Variants in SRD5A2 observed in about 807,000 individuals in gnomAD.
The protein encoded by SRD5A2 is steroid 5 alpha-reductase 2.
Under a neutral mutation model 27.4 loss-of-function variants are expected in SRD5A2, and 30 were observed. That is an observed-to-expected ratio of 1.10 (90% confidence interval 0.82 to 1.49). SRD5A2 has a LOEUF of 1.49. Among genes scored for constraint, SRD5A2 ranks in the 40% most tolerant of loss-of-function variants. The pLI is 0.00. For missense variants in SRD5A2, 348 were observed against 323.4 expected (o/e 1.08, Z -0.58); for synonymous variants, 141 against 133.6 (o/e 1.06, Z -0.38).
At chr2:31,586,141 A>G in the SRD5A2 span, among the ~76,000 whole-genome samples, 7 of 152,166 alleles carry the variant, frequency 4.6e-5, no homozygotes, top group Non-Finnish European at 2.9e-5. Flanking sequence ...TTTGGTGCCC[A>G]TCACCCAAGC....
chr2:31,659,528 T>A, the SRD5A2 span, among the ~76,000 whole-genome samples: 1 of 152,270 alleles, frequency 6.6e-6, no homozygotes, highest in African/African-American at 2.4e-5. Flanking sequence ...AGCATTTCTA[T>A]ACACCAACAA....
the SRD5A2 span, among the ~76,000 whole-genome samples, chr2:31,591,232 A>G: frequency 1.3e-5 from 2 of 152,268 alleles, no homozygotes; most frequent in African/African-American, 2.4e-5. Flanking sequence ...ACTCCAACAA[A>G]TTTACAAGAG....
chr2:31,593,641 A>G, the SRD5A2 span, among the ~76,000 whole-genome samples: 1 of 152,368 alleles, frequency 6.6e-6, no homozygotes, highest in Admixed American at 6.5e-5. Context: ...GCAATTGAGG[A>G]AAACTTCCCT....
chr2:31,639,369 T>C, the SRD5A2 span, among the ~76,000 whole-genome samples: 1 of 152,136 alleles, frequency 6.6e-6, no homozygotes, highest in Non-Finnish European at 1.5e-5. Context: ...TTATGAGGAA[T>C]TGCATACCAC....
At chr2:31,601,218 A>G in the SRD5A2 span, among the ~76,000 whole-genome samples, 1 of 151,948 alleles carries the variant, frequency 6.6e-6, no homozygotes, top group African/African-American at 2.4e-5. Context: ...AAGGAACACA[A>G]TCAAAAAATG....
the SRD5A2 span, among the ~76,000 whole-genome samples, chr2:31,621,987 A>C: frequency 5.6e-4 from 85 of 151,150 alleles, no homozygotes; most frequent in African/African-American, 2.0e-3. Flanking sequence ...TTAAGTCAGG[A>C]GTACATGTAC....
At chr2:31,552,698 C>CT (rs1434112848) in intron 1 of SRD5A2, among the ~76,000 whole-genome samples, 8 of 152,216 alleles carry the variant, frequency 5.3e-5, no homozygotes, top group African/African-American at 1.9e-4. Context: ...ATGGGGGCAG[C>CT]TAAGAACAAA....
chr2:31,591,783 T>C, the SRD5A2 span, among the ~76,000 whole-genome samples: 1 of 49,540 alleles, frequency 2.0e-5, no homozygotes, highest in African/African-American at 8.5e-5. Flanking sequence ...TCATGTCCTT[T>C]GTNAGGNCAT....
the SRD5A2 span, among the ~76,000 whole-genome samples, chr2:31,630,063 C>G: frequency 6.6e-6 from 1 of 152,202 alleles, no homozygotes; most frequent in Non-Finnish European, 1.5e-5. Context: ...CCCCACCACC[C>G]TTGCCAGGGC....
At chr2:31,628,339 C>A in the SRD5A2 span, among the ~76,000 whole-genome samples, 2 of 152,004 alleles carry the variant, frequency 1.3e-5, no homozygotes, top group Non-Finnish European at 2.9e-5. Flanking sequence ...TTTCTTCATC[C>A]CTCTACTTTG....
chr2:31,660,272 T>C, the SRD5A2 span, among the ~76,000 whole-genome samples: 68 of 152,126 alleles, frequency 4.5e-4, no homozygotes, highest in African/African-American at 1.6e-3. Flanking sequence ...GGCAATGATA[T>C]AGAGGGGAAA....
At chr2:31,605,834 A>G in the SRD5A2 span, among the ~76,000 whole-genome samples, 1 of 151,786 alleles carries the variant, frequency 6.6e-6, no homozygotes, top group African/African-American at 2.4e-5. Flanking sequence ...TATATCAAAG[A>G]GATATCTGTA....
chr2:31,623,553 C>T, the SRD5A2 span, among the ~76,000 whole-genome samples: 2 of 151,922 alleles, frequency 1.3e-5, no homozygotes, highest in African/African-American at 4.8e-5. Flanking sequence ...GTTTTGGCAT[C>T]GATTATTTCT....
intron 1 of SRD5A2, among the ~76,000 whole-genome samples, chr2:31,559,839 C>A (rs892979095): frequency 3.2e-5 from 1 of 31,428 alleles, no homozygotes; most frequent in Non-Finnish European, 8.4e-5. Flanking sequence ...AACAAACCCA[C>A]ACACACACAC....
At chr2:31,583,260 G>A (rs760489539), upstream of SRD5A2, among the ~76,000 whole-genome samples, 9 of 152,198 alleles carry the variant, frequency 5.9e-5, no homozygotes, top group Admixed American at 2.0e-4. Context: ...ACAAAAGTAC[G>A]AGAGTAGAAG....
the SRD5A2 span, among the ~76,000 whole-genome samples, chr2:31,646,702 G>A: frequency 6.6e-6 from 1 of 151,928 alleles, no homozygotes; most frequent in Non-Finnish European, 1.5e-5. Flanking sequence ...ATACTGTAGA[G>A]GAAAAAGTAC....
the SRD5A2 span, chr2:31,651,477 A>C: frequency 4.4e-6 from 1 of 228,538 alleles, no homozygotes; most frequent in East Asian, 1.1e-4. Flanking sequence ...GGTAATGTAC[A>C]TGCTAATGAT....
At chr2:31,626,432 T>C in the SRD5A2 span, among the ~76,000 whole-genome samples, 13 of 152,294 alleles carry the variant, frequency 8.5e-5, no homozygotes, top group South Asian at 2.3e-3. Context: ...CCCTGTCTTG[T>C]GCCGGTTTTC....
chr2:31,654,956 A>G, the SRD5A2 span, among the ~76,000 whole-genome samples: 1 of 152,170 alleles, frequency 6.6e-6, no homozygotes, highest in African/African-American at 2.4e-5. Context: ...TACTAATTAT[A>G]CCTTTCTTCT....
Sources: allele counts gnomAD v4.1 joint callset (sites outside exome capture counted in the v4.1 genomes callset), GRCh38; gene constraint gnomAD v4.1.1; transcripts MANE v1.5; gene names NCBI Gene and HGNC (gene_info 2026-07-23, HGNC 2026-07-21).